Variants in CFAP299 observed in about 807,000 individuals in gnomAD.
CFAP299 encodes the protein cilia and flagella associated protein 299, also known as cilia- and flagella-associated protein 299.
Under a neutral mutation model 27.0 loss-of-function variants are expected in CFAP299, and 21 were observed. That is an observed-to-expected ratio of 0.78 (90% CI 0.55 to 1.12). The LOEUF is 1.12. Ranked by LOEUF, CFAP299 falls within the 50% of genes most tolerant of loss-of-function variation. The probability of loss-of-function intolerance (pLI) is 0.00; values close to 1 mark genes in which losing one functional copy is unlikely to be tolerated. For synonymous variants in CFAP299, 104 were observed against 98.1 expected (o/e 1.06, Z -0.36); for missense variants, 310 against 276.6 (o/e 1.12, Z -0.86).
chr4:80,567,022 A>G (rs990959167), intron 2 of CFAP299, among the ~76,000 whole-genome samples: 1 of 152,060 alleles, frequency 6.6e-6, no homozygotes, highest in African/African-American at 2.4e-5. Flanking sequence ...AAATAAAAAA[A>G]AAACAAAAAG....
chr4:80,649,789 A>C (rs1373545681), intron 3 of CFAP299, among the ~76,000 whole-genome samples: 3 of 152,126 alleles, frequency 2.0e-5, no homozygotes, highest in South Asian at 2.1e-4. Context: ...TATTAAAAAG[A>C]CACTAAAATT....
At chr4:80,384,912 A>G (rs1030928045) in intron 2 of CFAP299, among the ~76,000 whole-genome samples, 2 of 152,070 alleles carry the variant, frequency 1.3e-5, no homozygotes, top group Non-Finnish European at 2.9e-5. Context: ...TACCCCATTT[A>G]TTTATTTAAA....
chr4:80,694,177 G>T (rs1158816593), intron 3 of CFAP299, among the ~76,000 whole-genome samples: 2 of 152,080 alleles, frequency 1.3e-5, no homozygotes, highest in Admixed American at 1.3e-4. Context: ...TTTGATCACC[G>T]TTGAACAACA....
At chr4:80,377,571 C>G (rs1724480445) in intron 2 of CFAP299, among the ~76,000 whole-genome samples, 1 of 151,162 alleles carries the variant, frequency 6.6e-6, no homozygotes, top group Non-Finnish European at 1.5e-5. Context: ...GCTTAAAATT[C>G]TGGTTCCCTT....
intron 3 of CFAP299, among the ~76,000 whole-genome samples, chr4:80,738,625 G>A (rs949904749): frequency 6.7e-6 from 1 of 148,996 alleles, no homozygotes; most frequent in Admixed American, 6.7e-5. Flanking sequence ...AACTTTATAG[G>A]TGAATTATGT....
At chr4:80,551,646 G>A (rs1224072075) in intron 2 of CFAP299, among the ~76,000 whole-genome samples, 1 of 151,840 alleles carries the variant, frequency 6.6e-6, no homozygotes, top group East Asian at 1.9e-4. Flanking sequence ...TTATATACAT[G>A]GAAATATATT....
intron 4 of CFAP299, among the ~76,000 whole-genome samples, chr4:80,925,760 T>C (rs1736276014): frequency 6.6e-6 from 1 of 152,016 alleles, no homozygotes; most frequent in Non-Finnish European, 1.5e-5. Context: ...GTCACAAGAC[T>C]CATGCCAGTC....
intron 3 of CFAP299, among the ~76,000 whole-genome samples, chr4:80,662,699 AG>A (rs1740921021): frequency 1.3e-5 from 2 of 152,186 alleles, no homozygotes; most frequent in Admixed American, 1.3e-4. Context: ...GTGATAGATA[AG>A]GGTTCTAGAA....
intron 3 of CFAP299, among the ~76,000 whole-genome samples, chr4:80,593,477 G>T (rs569800027): frequency 4.2e-4 from 64 of 152,198 alleles, no homozygotes; most frequent in Middle Eastern, 3.4e-3. Context: ...TGCTAGCTTC[G>T]TGTTGGCATT....
At chr4:80,738,902 G>T (rs929049061) in intron 3 of CFAP299, among the ~76,000 whole-genome samples, 130 of 151,736 alleles carry the variant, frequency 8.6e-4, no homozygotes, top group African/African-American at 3.0e-3. Context: ...TTTTTTGTGT[G>T]TGTATCCATT....
At chr4:80,728,320 A>G (rs1251145495) in intron 3 of CFAP299, among the ~76,000 whole-genome samples, 1 of 152,208 alleles carries the variant, frequency 6.6e-6, no homozygotes, top group Non-Finnish European at 1.5e-5. Flanking sequence ...TTTTCTAAAG[A>G]CAAAGAAATA....
rs140352038 is a variant in CFAP299, at chr4:80,797,373, G to A, written c.334-72620G>A. ...TATAACTCAAATTAGTCTTTTGTTC[G>A]TTTGACCTAGAAGTTTTCTGCCTAT... On this transcript the variant is annotated intron_variant, in intron 3 of 5. Coordinates refer to ENST00000358105, the MANE Select transcript of CFAP299 (RefSeq NM_152770.3). Among the ~76,000 whole-genome samples, 378 of 152,190 alleles carry A rather than the reference G, an allele frequency of 2.5e-3. 4 individuals carry two copies. Among genetic ancestry groups the A allele is most frequent in the African/African-American group, 8.2e-3 (340 of 41,528 alleles).
intron 3 of CFAP299, among the ~76,000 whole-genome samples, chr4:80,600,892 A>G (rs1737309737): frequency 6.6e-6 from 1 of 152,130 alleles, no homozygotes; most frequent in Non-Finnish European, 1.5e-5. Context: ...TGCCCTTTCT[A>G]TGCCTTAGTT....
At chr4:80,557,945 ATT>A (rs1734853963) in intron 2 of CFAP299, among the ~76,000 whole-genome samples, 1 of 152,094 alleles carries the variant, frequency 6.6e-6, no homozygotes, top group Non-Finnish European at 1.5e-5. Context: ...ACTTGCACAT[ATT>A]TTGTTTTCAA....
chr4:80,483,559 A>C (rs1460947694), intron 2 of CFAP299, among the ~76,000 whole-genome samples: 1 of 152,178 alleles, frequency 6.6e-6, no homozygotes, highest in Non-Finnish European at 1.5e-5. Flanking sequence ...CAAGACTAAA[A>C]TATAGGTTAT....
At chr4:80,508,679 C>A (rs951877890) in intron 2 of CFAP299, among the ~76,000 whole-genome samples, 15 of 152,048 alleles carry the variant, frequency 9.9e-5, no homozygotes, top group African/African-American at 3.6e-4. Flanking sequence ...TCAACTTGGC[C>A]TCCCCAGTAG....
chr4:80,760,374 G>A (rs554946138), intron 3 of CFAP299, among the ~76,000 whole-genome samples: 1 of 152,224 alleles, frequency 6.6e-6, no homozygotes, highest in African/African-American at 2.4e-5. Context: ...TGGGCACAGA[G>A]CAAGAGAGAA....
At chr4:80,943,695 T>A (rs1737315038) in intron 4 of CFAP299, among the ~76,000 whole-genome samples, 1 of 152,140 alleles carries the variant, frequency 6.6e-6, no homozygotes, top group African/African-American at 2.4e-5. Flanking sequence ...TTTCAATTCA[T>A]ATGACAGTAT....
chr4:80,332,492 T>C (rs878899671), upstream of CFAP299, among the ~76,000 whole-genome samples: 2 of 152,154 alleles, frequency 1.3e-5, no homozygotes, highest in African/African-American at 2.4e-5. Context: ...AGTGAAGGTA[T>C]GGAAGGAGGT....
Sources: allele counts gnomAD v4.1 joint callset (sites outside exome capture counted in the v4.1 genomes callset), GRCh38; gene constraint gnomAD v4.1.1; transcripts MANE v1.5; gene names NCBI Gene and HGNC (gene_info 2026-07-23, HGNC 2026-07-21).